CPNE5: variants seen among roughly 807,000 people sequenced by gnomAD.
CPNE5 encodes the protein copine 5.
CPNE5 carries 42 observed loss-of-function variants against 81.1 expected under a neutral mutation model. The observed-to-expected ratio is 0.52, with a 90% CI of 0.40 to 0.67. CPNE5 has a LOEUF of 0.67. CPNE5 is among the 30% of genes least tolerant of loss of function. The pLI is 0.00. For synonymous variants in CPNE5, 313 were observed against 321.5 expected (o/e 0.97, Z 0.28); for missense variants, 612 against 815.5 (o/e 0.75, Z 3.04).
At chr6:36,823,713 C>T (rs767366846) in intron 1 of CPNE5, among the ~76,000 whole-genome samples, 110 of 152,278 alleles carry the variant, frequency 7.2e-4, no homozygotes, top group Non-Finnish European at 1.4e-3. Flanking sequence ...GGGGACAGAA[C>T]GGTCTTTCAA....
intron 1 of CPNE5, among the ~76,000 whole-genome samples, chr6:36,837,986 A>G (rs767369032): frequency 6.6e-6 from 1 of 152,088 alleles, no homozygotes; most frequent in Non-Finnish European, 1.5e-5. Flanking sequence ...TCCTGACGGC[A>G]TGGTGTATGG....
intron 3 of CPNE5, among the ~76,000 whole-genome samples, chr6:36,811,197 G>A (rs755972321): frequency 2.0e-5 from 3 of 152,196 alleles, no homozygotes; most frequent in African/African-American, 7.2e-5. Context: ...TGTAGAGGGT[G>A]GGGGGCCTGA....
intron 3 of CPNE5, among the ~76,000 whole-genome samples, chr6:36,812,040 G>A (rs989058418): frequency 1.3e-5 from 2 of 152,164 alleles, no homozygotes; most frequent in Admixed American, 1.3e-4. Flanking sequence ...GGAGGTGGAG[G>A]TTGCAGTGAG....
chr6:36,810,708 C>T (rs1335736781), intron 3 of CPNE5, among the ~76,000 whole-genome samples: 3 of 152,218 alleles, frequency 2.0e-5, no homozygotes, highest in Non-Finnish European at 4.4e-5. Flanking sequence ...TCTGTGGCCA[C>T]CCCTCCTCGT....
At chr6:36,785,495 A>G (rs1380174947) in intron 8 of CPNE5, among the ~76,000 whole-genome samples, 1 of 152,198 alleles carries the variant, frequency 6.6e-6, no homozygotes, top group Non-Finnish European at 1.5e-5. Flanking sequence ...AGGGTCACAT[A>G]GGGAGTAAGC....
rs745488037 is a variant in CPNE5, at chr6:36,745,082, G to A, written c.1397C>T (p.Ser466Leu). ...VLLIITDGVI[S>L]DMAQTKEAIV... ...GGCCTCCTTGGTCTGCGCCATGTCC[G>A]AGATGACCCCATCAGTAATGATGAG... Residue 466 changes from serine to leucine, a missense_variant, in exon 18 of 21, where the codon TCG (serine) becomes TTG (leucine). Physicochemically the swap from Ser to Leu is moderately radical, Grantham distance 145. Coordinates refer to ENST00000244751, the MANE Select transcript of CPNE5 (RefSeq NM_020939.2). The A allele has an allele frequency of 6.2e-6, 10 of 1,613,922 alleles. No individual in the cohort carries two copies. Among genetic ancestry groups the A allele is most frequent in the South Asian group, 1.1e-5 (1 of 91,086 alleles).
chr6:36,783,321 A>G (rs1273395159), intron 8 of CPNE5, among the ~76,000 whole-genome samples: 1 of 151,338 alleles, frequency 6.6e-6, no homozygotes, highest in Non-Finnish European at 1.5e-5. Flanking sequence ...AACCCCCATA[A>G]CACAAGTTAA....
chr6:36,825,736 T>C (rs1772446710), intron 1 of CPNE5, among the ~76,000 whole-genome samples: 1 of 152,110 alleles, frequency 6.6e-6, no homozygotes, highest in South Asian at 2.1e-4. Flanking sequence ...TCCTGAAGTG[T>C]GCTAAGTTTG....
intron 1 of CPNE5, among the ~76,000 whole-genome samples, chr6:36,828,811 G>A (rs912303045): frequency 1.3e-5 from 2 of 152,146 alleles, no homozygotes; most frequent in African/African-American, 4.8e-5. Context: ...GGGGCATTGA[G>A]AGCATAGACT....
In CPNE5 at chr6:36,787,526, G is replaced by C. The variant is rs1007829480; in HGVS notation, c.528+4507C>G. ...ACACATTTTCCTTCGGGATAGTCAA[G>C]AGTGTGATAAAATAGTTGTTGTAAG... On this transcript the variant is annotated intron_variant, in intron 8 of 20. Transcript: ENST00000244751. Among the ~76,000 whole-genome samples, 75 of 152,134 alleles carry C rather than the reference G, an allele frequency of 4.9e-4. 5 individuals are homozygous for C.
At chr6:36,835,189 G>C (rs923534189) in intron 1 of CPNE5, among the ~76,000 whole-genome samples, 8 of 152,222 alleles carry the variant, frequency 5.3e-5, no homozygotes, top group African/African-American at 1.7e-4. Context: ...GCAGGACCCT[G>C]CGCAAGTGCA....
chr6:36,829,728 G>A (rs757238697), intron 1 of CPNE5, among the ~76,000 whole-genome samples: 9 of 145,184 alleles, frequency 6.2e-5, no homozygotes, highest in African/African-American at 1.0e-4. Context: ...CAGGAGAATC[G>A]CTTGAACCCG....
chr6:36,748,251 T>A lies in CPNE5; in HGVS notation c.988A>T (p.Thr330Ser). The A allele has an allele frequency of 6.2e-7, 1 of 1,613,974 alleles. No homozygotes were observed. Among genetic ancestry groups the A allele is most frequent in the Non-Finnish European group, 8.5e-7 (1 of 1,179,962 alleles). Residue 330 changes from threonine to serine, a missense_variant, in exon 15 of 21, where the codon ACT becomes TCT. By Grantham distance (58) the Thr-to-Ser change is moderately conservative (BLOSUM62 1). Coordinates refer to ENST00000244751, the MANE Select transcript of CPNE5 (RefSeq NM_020939.2). ...YIKGGTQINFTVAIDFTASNG... is the reference protein window; with the variant it reads ...YIKGGTQINFSVAIDFTASNG... ...GAGGCAGTGAAATCAATGGCCACAG[T>A]GAAGTTGATCTGGGTCCTAGAAGAG...
intron 12 of CPNE5, among the ~76,000 whole-genome samples, chr6:36,757,942 A>G (rs1765641304): frequency 6.6e-6 from 1 of 152,082 alleles, no homozygotes; most frequent in Admixed American, 6.6e-5. Flanking sequence ...ATGCCCAGTG[A>G]AAAATGTCTG....
Position 36,792,306 on chromosome 6 carries a change from A to G in CPNE5, c.465-210T>C. The stretch of plus-strand genomic sequence containing the variant: ...CCTGGGACCGGGTCCCCGAGCCTGG[A>G]GCTGCCCCACCCCCTGCTCCCCGAG... On this transcript the variant is annotated intron_variant, in intron 7 of 20. Coordinates refer to ENST00000244751, the MANE Select transcript of CPNE5 (RefSeq NM_020939.2). 1.3e-5 allele frequency: 19 copies of G among 1,516,402 alleles called. 1 individual carries two copies. The South Asian group carries it at 2.3e-4, about 18-fold the overall frequency. The allele number at this position is 1,516,402 out of a possible 1,614,324, so 93.9% of individuals were successfully genotyped here.
chr6:36,765,236 C>T lies in CPNE5; in HGVS notation c.779+99G>A, dbSNP rs41272184. ...GGCTCCCTCACCCCCAGAGCCACTG[C>T]GGGGGGGAGCCTGGTCACAGCTCCG... is the stretch of plus-strand genomic sequence containing the variant. On this transcript the variant is annotated intron_variant, in intron 11 of 20. Coordinates refer to ENST00000244751, the MANE Select transcript of CPNE5 (RefSeq NM_020939.2). The T allele has an allele frequency of 7.3e-3, 9,897 of 1,348,942 alleles. 104 individuals are homozygous for T. The highest frequency in any genetic ancestry group is 0.043 in the African/African-American group (3,006 of 69,418). 83.6% of individuals were successfully genotyped at this position (1,348,942 alleles called of 1,614,324 possible). A position where few individuals can be genotyped will look rare whatever the true frequency, so the allele number is the denominator to read the frequency against.
chr6:36,835,120 C>T (rs540581122), intron 1 of CPNE5, among the ~76,000 whole-genome samples: 162 of 152,354 alleles, frequency 1.1e-3, no homozygotes, highest in Middle Eastern at 3.4e-3. Context: ...AGACTCGCCC[C>T]GCCGCGTCTT....
chr6:36,779,115 G>T (rs1767800161), intron 8 of CPNE5, among the ~76,000 whole-genome samples, 158 bp from the exon 9 acceptor site: 3 of 152,194 alleles, frequency 2.0e-5, no homozygotes, highest in Admixed American at 1.3e-4. Context: ...CCCCCAGCAG[G>T]CCTAGCAGAC....
chr6:36,825,762 A>G (rs550695194), intron 1 of CPNE5, among the ~76,000 whole-genome samples: 1 of 152,294 alleles, frequency 6.6e-6, no homozygotes, highest in African/African-American at 2.4e-5. Context: ...AGGGGTGTCT[A>G]TCTTGATTTA....
Sources: allele counts gnomAD v4.1 joint callset (sites outside exome capture counted in the v4.1 genomes callset), GRCh38; gene constraint gnomAD v4.1.1; transcripts MANE v1.5; gene names NCBI Gene and HGNC (gene_info 2026-07-23, HGNC 2026-07-21).